TRDN: variants seen among roughly 807,000 people sequenced by gnomAD.
TRDN encodes the protein triadin.
Under a neutral mutation model 149.7 loss-of-function variants are expected in TRDN, and 161 were observed. The observed-to-expected ratio is 1.08, with a 90% CI of 0.95 to 1.23. TRDN has a LOEUF of 1.23. Ranked by LOEUF, TRDN falls within the 50% of genes most tolerant of loss-of-function variation. The probability of loss-of-function intolerance (pLI) is 0.00; values close to 1 mark genes in which losing one functional copy is unlikely to be tolerated. For missense variants in TRDN, 896 were observed against 823.5 expected (o/e 1.09, Z -1.08); for synonymous variants, 294 against 250.5 (o/e 1.17, Z -1.64).
At chr6:123,611,531 A>G (rs1371307627) in intron 1 of TRDN, among the ~76,000 whole-genome samples, 1 of 152,216 alleles carries the variant, frequency 6.6e-6, no homozygotes, top group Admixed American at 6.5e-5. Context: ...AACATAAGAT[A>G]AAAGAAATAA....
intron 1 of TRDN, among the ~76,000 whole-genome samples, chr6:123,598,869 T>C (rs2114642340): frequency 6.6e-6 from 1 of 152,174 alleles, no homozygotes; most frequent in Non-Finnish European, 1.5e-5. Context: ...TTAAATTTGG[T>C]AGTAATAATT....
rs1486916213 is a variant in TRDN at position 123,217,557 on chromosome 6, G to C, written c.*1044C>G. On this transcript the variant is annotated 3_prime_UTR_variant, in exon 41 of 41. Transcript: ENST00000334268. Reference sequence around the variant, plus strand: ...ATTCCCAGGGATGCACTGTCGAGTAGATTAAAAATTGTTATCCATGTCATT... The same window carrying C: ...ATTCCCAGGGATGCACTGTCGAGTACATTAAAAATTGTTATCCATGTCATT... 6.6e-6 allele frequency: 1 copy of C among 151,890 alleles called. No individual in the cohort carries two copies. The highest frequency in any genetic ancestry group is 1.5e-5 in the Non-Finnish European group (1 of 67,928). 9.4% of individuals were successfully genotyped at this position (151,890 alleles called of 1,614,324 possible).
Position 123,316,609 on chromosome 6 carries a change from G to A in TRDN, c.1472-114C>T. 6 of 794,946 alleles carry A rather than the reference G, an allele frequency of 7.5e-6. No homozygotes were observed. The Admixed American group carries it at 9.0e-5, about 12-fold the overall frequency. The allele number at this position is 794,946 out of a possible 1,614,324, so 49.2% of individuals were successfully genotyped here. A position where few individuals can be genotyped will look rare whatever the true frequency, so the allele number is the denominator to read the frequency against. ...TAGGCTTCACTGATTTTTCTTGTCT[G>A]TTTTCAATTTCAATTATAGTTATAT... On this transcript the variant is annotated intron_variant, in intron 23 of 40. Coordinates refer to ENST00000334268, the MANE Select transcript of TRDN (RefSeq NM_006073.4).
chr6:123,357,322 G>T (rs1356343102), intron 20 of TRDN, among the ~76,000 whole-genome samples: 1 of 152,054 alleles, frequency 6.6e-6, no homozygotes, highest in Non-Finnish European at 1.5e-5. Flanking sequence ...AGAGAAAAGA[G>T]ATCAGTTTCA....
In TRDN at chr6:123,621,592, TAAC is replaced by T. The variant is rs147560609; in HGVS notation, c.22+15159_22+15161del. Among the ~76,000 whole-genome samples, 1,020 of 151,914 alleles carry T rather than the reference TAAC, an allele frequency of 6.7e-3. 8 individuals carry two copies. The highest frequency in any genetic ancestry group is 0.022 in the African/African-American group (906 of 41,454). Reference sequence around the variant, plus strand: ...ATGAAACACTGTACAGAAAGAAAAATAACAAACTCTAGCTACATACAACAACAT... The same window carrying T: ...ATGAAACACTGTACAGAAAGAAAAATAAACTCTAGCTACATACAACAACAT... On this transcript the variant is annotated intron_variant, in intron 1 of 40. Transcript: ENST00000334268.
chr6:123,560,174 G>T (rs1781907855), intron 2 of TRDN, among the ~76,000 whole-genome samples: 2 of 152,236 alleles, frequency 1.3e-5, no homozygotes, highest in South Asian at 4.1e-4. Flanking sequence ...CACAAACTAT[G>T]CTCAACTCAC....
intron 12 of TRDN, among the ~76,000 whole-genome samples, chr6:123,417,949 T>G (rs753746377): frequency 1.4e-4 from 22 of 152,186 alleles, no homozygotes; most frequent in Non-Finnish European, 3.1e-4. Flanking sequence ...CTGAACCATT[T>G]CAGCCCTTAA....
intron 10 of TRDN, among the ~76,000 whole-genome samples, chr6:123,448,563 C>G (rs534864973): frequency 3.9e-4 from 59 of 152,224 alleles, no homozygotes; most frequent in African/African-American, 1.3e-3. Context: ...CCCCATCCCC[C>G]ACAGCAGCTA....
intron 12 of TRDN, among the ~76,000 whole-genome samples, chr6:123,424,021 G>A (rs757699094): frequency 3.9e-5 from 6 of 152,044 alleles, no homozygotes; most frequent in Non-Finnish European, 8.8e-5. Context: ...TAGGGGAAGG[G>A]CCATTCACCA....
chr6:123,430,831 G>C (rs2114570625), intron 12 of TRDN, among the ~76,000 whole-genome samples: 1 of 152,122 alleles, frequency 6.6e-6, no homozygotes, highest in East Asian at 1.9e-4. Flanking sequence ...TTCAGCCCAA[G>C]CTCACTTTTG....
intron 12 of TRDN, among the ~76,000 whole-genome samples, chr6:123,397,271 C>T (rs147886550): frequency 1.6e-3 from 249 of 152,258 alleles, no homozygotes; most frequent in African/African-American, 5.7e-3. Flanking sequence ...GAATGAGTAG[C>T]AGCAGATGGT....
Position 123,343,216 on chromosome 6 carries a change from C to G in TRDN, c.1370-5547G>C, listed in dbSNP as rs1780128450. ...AAATTTTGAGTGACTTTCCAAAGTT[C>G]AGTAATCTCACACACATATATTACA... On this transcript the variant is annotated intron_variant, in intron 21 of 40. Coordinates refer to ENST00000334268, the MANE Select transcript of TRDN (RefSeq NM_006073.4). Among the ~76,000 whole-genome samples, 3 of 151,920 alleles carry G rather than the reference C, an allele frequency of 2.0e-5. No homozygotes were observed. In the South Asian group the frequency reaches 6.2e-4, roughly 31 times the overall value.
chr6:123,266,324 A>C (rs1449356844), intron 32 of TRDN, among the ~76,000 whole-genome samples: 4 of 110,974 alleles, frequency 3.6e-5, no homozygotes, highest in Non-Finnish European at 6.6e-5. Flanking sequence ...AATATGTATT[A>C]TATATTATGA....
At position 123,375,617 on chromosome 6, in the gene TRDN, G is replaced by GT; in HGVS notation, c.1260dup (p.Gln421ThrfsTer7). On this transcript the variant is annotated frameshift_variant, in exon 19 of 41. Coordinates refer to ENST00000334268, the MANE Select transcript of TRDN (RefSeq NM_006073.4). LOFTEE classifies it high-confidence loss of function. ...TTGTTCAACATACTTGCTTTTACTT[G>GT]TTTGTCACTTGGAACTGTTAATGAC... The GT allele has an allele frequency of 2.0e-6, 3 of 1,531,650 alleles. No individual in the cohort carries two copies. Among genetic ancestry groups the GT allele is most frequent in the Admixed American group, 4.2e-5 (2 of 47,264 alleles). 94.9% of individuals were successfully genotyped at this position (1,531,650 alleles called of 1,614,324 possible). A position where few individuals can be genotyped will look rare whatever the true frequency, so the allele number is the denominator to read the frequency against.
At chr6:123,371,542 A>G (rs1781327745) in intron 19 of TRDN, among the ~76,000 whole-genome samples, 1 of 152,124 alleles carries the variant, frequency 6.6e-6, no homozygotes. Context: ...TGTGTTCATT[A>G]TGTCACTTTT....
chr6:123,458,462 A>T (rs1248332179), intron 10 of TRDN, among the ~76,000 whole-genome samples: 2 of 152,196 alleles, frequency 1.3e-5, no homozygotes, highest in African/African-American at 2.4e-5. Flanking sequence ...AAGTCCCCCA[A>T]GGAGGAAGGA....
chr6:123,413,516 T>C (rs1292814689), intron 12 of TRDN, among the ~76,000 whole-genome samples: 1 of 152,186 alleles, frequency 6.6e-6, no homozygotes, highest in Non-Finnish European at 1.5e-5. Context: ...AGGAGTATTT[T>C]AAGCACTTAA....
chr6:123,381,483 C>T, intron 15 of TRDN, 93 bp from the exon 16 acceptor site: 1 of 1,209,630 alleles, frequency 8.3e-7, no homozygotes, highest in South Asian at 1.4e-5. Context: ...TTTTCCCACC[C>T]CTCCTTCCAA....
At chr6:123,447,701 C>G (rs1018257869) in intron 10 of TRDN, among the ~76,000 whole-genome samples, 3 of 151,358 alleles carry the variant, frequency 2.0e-5, no homozygotes, top group Admixed American at 6.6e-5. Context: ...TTCAAGATAC[C>G]ATACTACAGG....
Sources: allele counts gnomAD v4.1 joint callset (sites outside exome capture counted in the v4.1 genomes callset), GRCh38; gene constraint gnomAD v4.1.1; transcripts MANE v1.5; gene names NCBI Gene and HGNC (gene_info 2026-07-23, HGNC 2026-07-21).